MYO3A: variants seen among roughly 807,000 people sequenced by gnomAD.
MYO3A encodes the protein myosin IIIA.
MYO3A carries 180 observed loss-of-function variants against 192.7 expected under a neutral mutation model. The ratio of observed to expected loss-of-function variants is 0.93; its 90% CI spans 0.83 to 1.06. MYO3A has a LOEUF of 1.06. MYO3A is among the 50% of genes least tolerant of loss of function. The pLI, the probability that MYO3A is intolerant of heterozygous loss-of-function variation, is 0.00. For missense variants in MYO3A, 1,896 were observed against 1,905.0 expected (o/e 1.00, Z 0.09); for synonymous variants, 628 against 645.3 (o/e 0.97, Z 0.41).
At chr10:26,101,093 A>T (rs531694676) in intron 17 of MYO3A, among the ~76,000 whole-genome samples, 1 of 152,178 alleles carries the variant, frequency 6.6e-6, no homozygotes, top group Non-Finnish European at 1.5e-5. Flanking sequence ...TATTGGGTGC[A>T]TATATATTTA....
chr10:26,015,001 G>A (rs1323096942), intron 6 of MYO3A, among the ~76,000 whole-genome samples: 2 of 152,062 alleles, frequency 1.3e-5, no homozygotes, highest in Non-Finnish European at 2.9e-5. Context: ...CCTAGAAATA[G>A]CACTTATGCG....
At position 26,173,982 on chromosome 10, in the gene MYO3A, T is replaced by C. The variant is rs750817938; in HGVS notation, c.3718T>C (p.Tyr1240His). Reference protein sequence around the residue: ...VEKEEAMIQSYYQRYTEERNC... With the variant: ...VEKEEAMIQSHYQRYTEERNC... Reference sequence around the variant, plus strand: ...GAAAGAGGAAGCTATGATCCAGAGTTACTATCAGAGGTACACAGAGGAGAG... The same window carrying C: ...GAAAGAGGAAGCTATGATCCAGAGTCACTATCAGAGGTACACAGAGGAGAG... Residue 1240 changes from tyrosine (Y) to histidine (H), a missense_variant, in exon 30 of 35, where the codon TAC becomes CAC. Coordinates refer to ENST00000642920, the MANE Select transcript of MYO3A (RefSeq NM_017433.5). 6.2e-7 allele frequency: 1 copy of C among 1,608,388 alleles called. No individual in the cohort carries two copies. Among genetic ancestry groups the C allele is most frequent in the Non-Finnish European group, 8.5e-7 (1 of 1,178,286 alleles).
chr10:26,069,976 G>A (rs1438292699), intron 12 of MYO3A, 135 bp from the exon 13 acceptor site: 1 of 653,228 alleles, frequency 1.5e-6, no homozygotes, highest in East Asian at 2.7e-5. Context: ...TAACATGTAT[G>A]TAATAATGTT....
At chr10:26,096,219 T>C (rs1488234659) in intron 15 of MYO3A, among the ~76,000 whole-genome samples, 162 bp from the exon 16 acceptor site, 1 of 152,152 alleles carries the variant, frequency 6.6e-6, no homozygotes, top group Non-Finnish European at 1.5e-5. Flanking sequence ...CAGTGGTTGT[T>C]GAAAATAATG....
chr10:26,193,454 C>T, intron 32 of MYO3A, 143 bp downstream of exon 32: 2 of 701,456 alleles, frequency 2.9e-6, no homozygotes, highest in South Asian at 3.3e-5. Context: ...CTGCCCTCCC[C>T]TGGCTGGGGA....
intron 10 of MYO3A, among the ~76,000 whole-genome samples, chr10:26,039,966 T>C (rs1392271804): frequency 6.7e-6 from 1 of 149,622 alleles, no homozygotes; most frequent in Non-Finnish European, 1.5e-5. Flanking sequence ...CATCATTAGG[T>C]TGTTTATTTG....
In MYO3A at chr10:26,157,290, A is replaced by T. The variant is rs1243253047; in HGVS notation, c.2794-20A>T. ...TTTTGTATGCTACATTGGGAAATTT[A>T]TTTTTGTTGTGTATTATAGTATTCC... is the stretch of plus-strand genomic sequence containing the variant. On this transcript the variant is annotated intron_variant, in intron 25 of 34. Coordinates refer to ENST00000642920, the MANE Select transcript of MYO3A (RefSeq NM_017433.5). 1 of 1,610,642 alleles carries T rather than the reference A, an allele frequency of 6.2e-7. No individual in the cohort carries two copies. Among genetic ancestry groups the T allele is most frequent in the Non-Finnish European group, 8.5e-7 (1 of 1,177,018 alleles).
chr10:26,201,313 T>G lies in MYO3A; in HGVS notation c.4586+8T>G. ...AAGACCAAGGAAAGACAGGTAATTA[T>G]TACTTCTGGATTTCAATCAGTCATC... is the stretch of plus-strand genomic sequence containing the variant. On this transcript the variant is annotated splice_region_variant and intron_variant, in intron 33 of 34. Transcript: ENST00000642920. 1 of 1,566,520 alleles carries G rather than the reference T, an allele frequency of 6.4e-7. No homozygotes were observed. Among genetic ancestry groups the G allele is most frequent in the Non-Finnish European group, 8.7e-7 (1 of 1,143,386 alleles).
At chr10:25,998,139 G>A (rs1840569467) in intron 6 of MYO3A, among the ~76,000 whole-genome samples, 2 of 152,164 alleles carry the variant, frequency 1.3e-5, no homozygotes, top group African/African-American at 4.8e-5. Flanking sequence ...TAGGTGGACA[G>A]ACAGAGTCTT....
chr10:26,209,047 C>T (rs1330574), intron 34 of MYO3A, among the ~76,000 whole-genome samples: 3,150 of 152,160 alleles, frequency 0.021, 110 homozygotes, highest in African/African-American at 0.071. Flanking sequence ...TTCAAACTTC[C>T]TCCTCTCTCC....
chr10:26,008,634 C>T (rs1841399227), intron 6 of MYO3A, among the ~76,000 whole-genome samples: 1 of 151,666 alleles, frequency 6.6e-6, no homozygotes, highest in Non-Finnish European at 1.5e-5. Context: ...AAAATGCTCA[C>T]CATCACTGGC....
intron 20 of MYO3A, among the ~76,000 whole-genome samples, chr10:26,131,953 A>G (rs1230457877): frequency 6.6e-6 from 1 of 152,200 alleles, no homozygotes; most frequent in Non-Finnish European, 1.5e-5. Flanking sequence ...TTTACTCTCA[A>G]TTGTATCAAT....
At chr10:26,075,067 T>G (rs1160607584) in intron 14 of MYO3A, among the ~76,000 whole-genome samples, 1 of 152,086 alleles carries the variant, frequency 6.6e-6, no homozygotes, top group Non-Finnish European at 1.5e-5. Flanking sequence ...TGGGTTTATT[T>G]GAGGGCTTTC....
At chr10:26,168,025 C>T (rs1033443706) in intron 27 of MYO3A, among the ~76,000 whole-genome samples, 1 of 152,196 alleles carries the variant, frequency 6.6e-6, no homozygotes, top group Admixed American at 6.6e-5. Context: ...ACACGCCAAG[C>T]CTTCTGGCTC....
At position 26,068,765 on chromosome 10, in the gene MYO3A, C is replaced by T; in HGVS notation, c.1054-3C>T. On this transcript the variant is annotated splice_region_variant and splice_polypyrimidine_tract_variant and intron_variant, in intron 11 of 34. Coordinates refer to ENST00000642920, the MANE Select transcript of MYO3A (RefSeq NM_017433.5). ...AAGGAGAAATTATTTTATTTTATTGCAGAATACAGTCTCAGAGCAACTTGA... is the reference window on the plus strand; with the variant it reads ...AAGGAGAAATTATTTTATTTTATTGTAGAATACAGTCTCAGAGCAACTTGA... 6.6e-7 allele frequency: 1 copy of T among 1,516,364 alleles called. No homozygotes were observed. The highest frequency in any genetic ancestry group is 9.2e-7 in the Non-Finnish European group (1 of 1,092,600). The allele number at this position is 1,516,364 out of a possible 1,614,324, so 93.9% of individuals were successfully genotyped here. A position where few individuals can be genotyped will look rare whatever the true frequency, so the allele number is the denominator to read the frequency against.
In MYO3A at chr10:26,174,340, G is replaced by T. The variant is rs201593650; in HGVS notation, c.4076G>T (p.Gly1359Val). 2.5e-6 allele frequency: 4 copies of T among 1,614,056 alleles called. No homozygotes were observed. The highest frequency in any genetic ancestry group is 8.5e-7 in the Non-Finnish European group (1 of 1,180,042). ...AAVFIQSKYRGYKRRQQLRKD... is the reference protein window; with the variant it reads ...AAVFIQSKYRVYKRRQQLRKD... Reference sequence around the variant, plus strand: ...GTATTCATTCAGAGCAAATACCGGGGTTACAAGAGAAGGCAGCAGTTGAGG... The same window carrying T: ...GTATTCATTCAGAGCAAATACCGGGTTTACAAGAGAAGGCAGCAGTTGAGG... Residue 1359 changes from glycine to valine, a missense_variant, in exon 30 of 35, where the codon GGT (glycine) becomes GTT (valine). Physicochemically the swap from Gly to Val is moderately radical, Grantham distance 109. Coordinates refer to ENST00000642920, the MANE Select transcript of MYO3A (RefSeq NM_017433.5).
intron 18 of MYO3A, among the ~76,000 whole-genome samples, chr10:26,121,071 A>G (rs976353780): frequency 2.6e-5 from 4 of 152,158 alleles, no homozygotes; most frequent in African/African-American, 9.6e-5. Context: ...ATATAAAAGC[A>G]CAGATAGTAT....
At chr10:25,997,317 T>A in intron 6 of MYO3A, 59 bp downstream of exon 6, 1 of 1,296,914 alleles carries the variant, frequency 7.7e-7, no homozygotes, top group South Asian at 1.2e-5. Context: ...ATGATATGAT[T>A]TGATCTTTTT....
intron 4 of MYO3A, among the ~76,000 whole-genome samples, chr10:25,993,872 G>C (rs1465707044): frequency 6.6e-6 from 1 of 152,174 alleles, no homozygotes; most frequent in African/African-American, 2.4e-5. Flanking sequence ...ACTGTGGTCT[G>C]AGAGACAGTT....
Sources: allele counts gnomAD v4.1 joint callset (sites outside exome capture counted in the v4.1 genomes callset), GRCh38; gene constraint gnomAD v4.1.1; transcripts MANE v1.5; gene names NCBI Gene and HGNC (gene_info 2026-07-23, HGNC 2026-07-21).